Variants in DYNC1I1 observed in about 807,000 individuals in gnomAD.
DYNC1I1 encodes the protein dynein cytoplasmic 1 intermediate chain 1, also known as cytoplasmic dynein 1 intermediate chain 1.
Under a neutral mutation model 86.6 loss-of-function variants are expected in DYNC1I1, and 43 were observed. The observed-to-expected ratio is 0.50, with a 90% CI of 0.39 to 0.64. DYNC1I1 has a LOEUF of 0.64. Among genes scored for constraint, DYNC1I1 ranks in the 30% least tolerant of loss-of-function variants. The probability of loss-of-function intolerance (pLI) is 0.00; values close to 1 mark genes in which losing one functional copy is unlikely to be tolerated. For missense variants in DYNC1I1, 604 were observed against 788.8 expected (o/e 0.77, Z 2.81); for synonymous variants, 262 against 283.7 (o/e 0.92, Z 0.77).
At chr7:96,079,225 G>C (rs1051792209) in intron 15 of DYNC1I1, among the ~76,000 whole-genome samples, 1 of 152,084 alleles carries the variant, frequency 6.6e-6, no homozygotes, top group African/African-American at 2.4e-5. Flanking sequence ...AAATGCCGGT[G>C]GTGCTAAGCC....
intron 16 of DYNC1I1, among the ~76,000 whole-genome samples, chr7:96,081,086 A>AAAGAC: frequency 2.6e-5 from 4 of 151,732 alleles, no homozygotes; most frequent in Non-Finnish European, 4.4e-5. Flanking sequence ...AAGAAAAAGA[A>AAAGAC]AAGAAAAGAA....
At chr7:96,050,135 A>G (rs1035491852) in intron 14 of DYNC1I1, among the ~76,000 whole-genome samples, 4 of 152,172 alleles carry the variant, frequency 2.6e-5, no homozygotes, top group Non-Finnish European at 5.9e-5. Flanking sequence ...TATGCATTTT[A>G]TACACTCTAC....
chr7:96,014,591 G>T (rs1484216076), intron 10 of DYNC1I1, among the ~76,000 whole-genome samples: 1 of 152,196 alleles, frequency 6.6e-6, no homozygotes, highest in Non-Finnish European at 1.5e-5. Context: ...GCCAACAACT[G>T]TGGATCTAAT....
chr7:95,879,693 G>A (rs991872773), intron 6 of DYNC1I1, among the ~76,000 whole-genome samples: 6 of 152,106 alleles, frequency 3.9e-5, no homozygotes, highest in African/African-American at 1.4e-4. Context: ...CTAGTTGAAG[G>A]CATTAGAAAT....
intron 6 of DYNC1I1, among the ~76,000 whole-genome samples, chr7:95,887,015 T>C (rs1444312369): frequency 6.6e-6 from 1 of 152,180 alleles, no homozygotes; most frequent in Non-Finnish European, 1.5e-5. Context: ...CTAAAAACTT[T>C]CCAGGATTCT....
chr7:95,810,498 CGCCTCTAGGTACTTAAAAGT>C lies in DYNC1I1; in HGVS notation c.218_223+14del, dbSNP rs1794805108. On this transcript the variant is annotated splice_donor_variant and splice_donor_5th_base_variant and coding_sequence_variant and intron_variant, in exon 3 of 17. Transcript: ENST00000447467. LOFTEE classifies it high-confidence loss of function. ...CAAAGCATTGGTATCTCACCGGAGC[CGCCTCTAGGTACTTAAAAGT>C]GCTTCCTGTTACTATTCCTCAAAAT... 2 of 1,611,548 alleles carry C rather than the reference CGCCTCTAGGTACTTAAAAGT, an allele frequency of 1.2e-6. No individual in the cohort carries two copies. Among genetic ancestry groups the C allele is most frequent in the Non-Finnish European group, 1.7e-6 (2 of 1,178,746 alleles).
intron 6 of DYNC1I1, among the ~76,000 whole-genome samples, chr7:95,910,785 C>T (rs1791313168): frequency 3.9e-5 from 6 of 152,170 alleles, no homozygotes; most frequent in Admixed American, 3.9e-4. Flanking sequence ...GTTAAAGAGG[C>T]AATAGCACCC....
rs1461527895 is a variant in DYNC1I1 at position 96,031,082 on chromosome 7, T to A, written c.1117-1585T>A. ...GATATAATTGTCAAAAAAGCAGATG[T>A]AATCTTAGCATGCATTAAATGCAGG... On this transcript the variant is annotated intron_variant, in intron 11 of 16. Coordinates refer to ENST00000447467, the MANE Select transcript of DYNC1I1 (RefSeq NM_001135556.2). Among the ~76,000 whole-genome samples, 3 of 152,194 alleles carry A rather than the reference T, an allele frequency of 2.0e-5. No homozygotes were observed. The East Asian group carries it at 5.8e-4, about 29-fold the overall frequency.
intron 5 of DYNC1I1, among the ~76,000 whole-genome samples, chr7:95,828,344 G>A (rs1795247972): frequency 6.6e-6 from 1 of 151,824 alleles, no homozygotes; most frequent in Non-Finnish European, 1.5e-5. Flanking sequence ...TCCTATTATT[G>A]CAAAACAACA....
intron 14 of DYNC1I1, among the ~76,000 whole-genome samples, chr7:96,043,563 A>C (rs980420702): frequency 6.6e-6 from 1 of 152,122 alleles, no homozygotes; most frequent in African/African-American, 2.4e-5. Flanking sequence ...AGAACAAAAC[A>C]AAACTTGGGA....
At chr7:95,976,688 AT>A (rs958739812) in intron 6 of DYNC1I1, among the ~76,000 whole-genome samples, 1 of 152,168 alleles carries the variant, frequency 6.6e-6, no homozygotes, top group African/African-American at 2.4e-5. Context: ...GCAAATTTTA[AT>A]TTTTTATGTC....
chr7:95,858,160 G>T (rs1031586453), intron 5 of DYNC1I1, among the ~76,000 whole-genome samples: 4 of 152,178 alleles, frequency 2.6e-5, no homozygotes, highest in Admixed American at 6.6e-5. Flanking sequence ...AAAGGGACAG[G>T]CCTGACTAGT....
intron 5 of DYNC1I1, among the ~76,000 whole-genome samples, chr7:95,865,258 A>G (rs1263784907): frequency 6.6e-6 from 1 of 152,234 alleles, no homozygotes; most frequent in Non-Finnish European, 1.5e-5. Flanking sequence ...TACTTAAAGC[A>G]TTATAGTTCA....
chr7:95,913,197 C>T (rs943832436), intron 6 of DYNC1I1, among the ~76,000 whole-genome samples: 2 of 152,158 alleles, frequency 1.3e-5, no homozygotes, highest in Admixed American at 6.5e-5. Flanking sequence ...AATGTGTTTG[C>T]ATCTTCATAT....
At chr7:95,962,107 A>G (rs543446765) in intron 6 of DYNC1I1, among the ~76,000 whole-genome samples, 2 of 152,318 alleles carry the variant, frequency 1.3e-5, no homozygotes, top group South Asian at 4.1e-4. Flanking sequence ...GCCTTTAAAG[A>G]GAGAAGCGTG....
At chr7:96,087,110 T>C (rs1354529724) in intron 16 of DYNC1I1, among the ~76,000 whole-genome samples, 1 of 152,064 alleles carries the variant, frequency 6.6e-6, no homozygotes, top group Non-Finnish European at 1.5e-5. Context: ...ACTTAGGCAA[T>C]AATAGTGTAC....
chr7:96,020,793 A>G (rs757598128), intron 10 of DYNC1I1, among the ~76,000 whole-genome samples: 11 of 152,214 alleles, frequency 7.2e-5, no homozygotes, highest in African/African-American at 2.4e-4. Context: ...TATGCATGCA[A>G]TGGAATATTA....
chr7:96,094,927 A>G lies in DYNC1I1; in HGVS notation c.1777-2556A>G, dbSNP rs371455891. ...AAAAGGAAAAGACTTGGCAAAACAAATATCCCTAAAAAACAAACTTCAAAC... is the reference window on the plus strand; with the variant it reads ...AAAAGGAAAAGACTTGGCAAAACAAGTATCCCTAAAAAACAAACTTCAAAC... On this transcript the variant is annotated intron_variant, in intron 16 of 16. Transcript: ENST00000447467. 7.2e-5 allele frequency among the ~76,000 whole-genome samples: 11 copies of G among 152,352 alleles called. No individual in the cohort carries two copies. The East Asian group carries it at 1.3e-3, about 19-fold the overall frequency.
At chr7:96,102,700 A>AT (rs1791153231), downstream of DYNC1I1, among the ~76,000 whole-genome samples, 1 of 152,224 alleles carries the variant, frequency 6.6e-6, no homozygotes, top group Non-Finnish European at 1.5e-5. Context: ...TGGGCCATAA[A>AT]ATCAGCAGAT....
Sources: allele counts gnomAD v4.1 joint callset (sites outside exome capture counted in the v4.1 genomes callset), GRCh38; gene constraint gnomAD v4.1.1; transcripts MANE v1.5; gene names NCBI Gene and HGNC (gene_info 2026-07-23, HGNC 2026-07-21).